The following PKD2L1 variants were observed in gnomAD, a reference collection of about 807,000 sequenced individuals.
PKD2L1 encodes the protein polycystin-2-like protein 1.
A neutral mutation model predicts 93.0 loss-of-function variants in PKD2L1; 77 were observed. The ratio of observed to expected loss-of-function variants is 0.83; its 90% CI spans 0.69 to 1.00. The LOEUF (loss-of-function observed/expected upper bound fraction) is 1.00, where lower values mean the gene tolerates loss of function less well. Among genes scored for constraint, PKD2L1 ranks in the 50% least tolerant of loss-of-function variants. The pLI is 0.00. For synonymous variants in PKD2L1, 390 were observed against 388.0 expected (o/e 1.01, Z -0.06); for missense variants, 977 against 990.9 (o/e 0.99, Z 0.19).
In PKD2L1 at chr10:100,288,381, G is replaced by A. The variant is rs367839528; in HGVS notation, c.*15C>T. 1.1e-4 allele frequency: 177 copies of A among 1,562,116 alleles called. No individual in the cohort carries two copies. Among genetic ancestry groups the A allele is most frequent in the Non-Finnish European group, 1.4e-4 (163 of 1,132,684 alleles). ...GAAGATCCTTCATAGACTTTGCTCCGGGAGTGCCTCACACTTAACTCCTCT... is the reference window on the plus strand; with the variant it reads ...GAAGATCCTTCATAGACTTTGCTCCAGGAGTGCCTCACACTTAACTCCTCT... On this transcript the variant is annotated 3_prime_UTR_variant, in exon 16 of 16. Coordinates refer to ENST00000318222, the MANE Select transcript of PKD2L1 (RefSeq NM_016112.3).
Position 100,297,485 on chromosome 10 carries a change from G to A in PKD2L1, c.853C>T (p.Leu285Phe), listed in dbSNP as rs1342839578. The A allele has an allele frequency of 1.9e-6, 3 of 1,614,032 alleles. No individual in the cohort carries two copies. Among genetic ancestry groups the A allele is most frequent in the African/African-American group, 2.7e-5 (2 of 74,900 alleles). The stretch of plus-strand genomic sequence containing the variant: ...CACAGCCCCTCCTGAAGGGCCCGGA[G>A]AGCCTCTGCACTACCCTGTCGGGAT... Reference protein sequence around the residue: ...PGSRQGSAEALRALQEGLWLD... With the variant: ...PGSRQGSAEAFRALQEGLWLD... The change falls in exon 5 of 16, where the codon CTC (leucine) becomes TTC (phenylalanine). Residue 285 changes from leucine (L) to phenylalanine (F), a missense_variant. By Grantham distance (22) the Leu-to-Phe change is conservative (BLOSUM62 0). Transcript: ENST00000318222.
rs1589658736 is a variant in PKD2L1 at position 100,291,198 on chromosome 10, C to A, written c.2007+103G>T. 9.1e-6 allele frequency: 11 copies of A among 1,212,042 alleles called. No individual in the cohort carries two copies. In the East Asian group the frequency reaches 2.6e-4, roughly 28 times the overall value. 75.1% of individuals were successfully genotyped at this position (1,212,042 alleles called of 1,614,324 possible). A position where few individuals can be genotyped will look rare whatever the true frequency, so the allele number is the denominator to read the frequency against. ...ACTATTCTAGAGAGTTCTTTACTAT[C>A]TATGGGAGAGTTTTCAGGTGGGTTT... On this transcript the variant is annotated intron_variant, in intron 12 of 15. Coordinates refer to ENST00000318222, the MANE Select transcript of PKD2L1 (RefSeq NM_016112.3).
At chr10:100,329,353 T>C in intron 1 of PKD2L1, 29 bp from the exon 2 acceptor site, 2 of 1,614,038 alleles carry the variant, frequency 1.2e-6, no homozygotes, top group Non-Finnish European at 1.7e-6. Context: ...ATGCCTGGGA[T>C]GCTCAGTGGC....
intron 2 of PKD2L1, among the ~76,000 whole-genome samples, chr10:100,321,058 A>G (rs1372912081): frequency 6.6e-6 from 1 of 152,222 alleles, no homozygotes. Flanking sequence ...AAATAAAAAT[A>G]TAAAAACTGG....
At chr10:100,291,896 C>T (rs1460832953) in intron 11 of PKD2L1, among the ~76,000 whole-genome samples, 2 of 152,088 alleles carry the variant, frequency 1.3e-5, no homozygotes, top group Non-Finnish European at 2.9e-5. Flanking sequence ...CTGCTATGAC[C>T]ACCACCTGTC....
At position 100,294,643 on chromosome 10, in the gene PKD2L1, G is replaced by A; in HGVS notation, c.1551C>T (p.Phe517=). Residue 517 remains phenylalanine (F), a synonymous_variant, in exon 9 of 16, where the codon TTC becomes TTT. Coordinates refer to ENST00000318222, the MANE Select transcript of PKD2L1 (RefSeq NM_016112.3). ...STFIKCIFTQ[F]RIILGDFDYN... ...AGTCAAAGTCCCCGAGGATTATCCG[G>A]AACTGAGTGAAACTGAGAGACCAGG... is the stretch of plus-strand genomic sequence containing the variant. 6.2e-7 allele frequency: 1 copy of A among 1,614,100 alleles called. No homozygotes were observed.
chr10:100,306,978 G>T (rs933253721), intron 2 of PKD2L1, among the ~76,000 whole-genome samples: 1 of 151,700 alleles, frequency 6.6e-6, no homozygotes, highest in Non-Finnish European at 1.5e-5. Context: ...TTCTCTTCAG[G>T]TAATAAGTAT....
At chr10:100,299,031 T>C (rs1848618537) in intron 3 of PKD2L1, among the ~76,000 whole-genome samples, 1 of 105,320 alleles carries the variant, frequency 9.5e-6, no homozygotes, top group Non-Finnish European at 1.9e-5. Context: ...CACCGCAACC[T>C]CTGCAACCTC....
intron 13 of PKD2L1, 47 bp from the exon 14 acceptor site, chr10:100,290,185 G>C: frequency 6.2e-7 from 1 of 1,610,498 alleles, no homozygotes; most frequent in Non-Finnish European, 8.5e-7. Flanking sequence ...TCTGTGTCTG[G>C]GGGCTGGATG....
intron 2 of PKD2L1, among the ~76,000 whole-genome samples, chr10:100,306,401 C>T (rs572421470): frequency 8.5e-5 from 13 of 152,128 alleles, no homozygotes; most frequent in Non-Finnish European, 1.6e-4. Context: ...AGAGGGCTCT[C>T]AGAACTTCCC....
chr10:100,321,836 A>AAAGCAAGCAAGC (rs369713705), intron 2 of PKD2L1, among the ~76,000 whole-genome samples: 1 of 3,550 alleles, frequency 2.8e-4, no homozygotes, highest in African/African-American at 8.4e-4. Context: ...AGAAAGAAGG[A>AAAGCAAGCAAGC]AAGCAAGCAA....
intron 5 of PKD2L1, 80 bp downstream of exon 5, chr10:100,297,302 G>T: frequency 4.5e-6 from 7 of 1,542,620 alleles, no homozygotes; most frequent in Non-Finnish European, 6.3e-6. Flanking sequence ...CAGGGTAGGA[G>T]TTTAGGGAAG....
intron 2 of PKD2L1, among the ~76,000 whole-genome samples, chr10:100,308,452 A>C (rs1454235911): frequency 2.6e-5 from 4 of 151,590 alleles, no homozygotes; most frequent in Non-Finnish European, 5.9e-5. Flanking sequence ...CTCCTGCTTC[A>C]GCCTCCCAGG....
intron 15 of PKD2L1, 52 bp from the exon 16 acceptor site, chr10:100,288,530 C>T: frequency 9.3e-7 from 1 of 1,072,886 alleles, no homozygotes; most frequent in Non-Finnish European, 1.5e-6. Context: ...TCTTGGGATG[C>T]ACAAAGGATA....
chr10:100,324,732 G>C (rs530775476), intron 2 of PKD2L1, among the ~76,000 whole-genome samples: 1 of 152,202 alleles, frequency 6.6e-6, no homozygotes, highest in Non-Finnish European at 1.5e-5. Flanking sequence ...AGGTCACAAA[G>C]CCAGGAAGTA....
Position 100,330,008 on chromosome 10 carries a change from G to A in PKD2L1, c.96C>T (p.His32=), listed in dbSNP as rs184117313. ...NPAYSGPPSP[H]GTLRVCTISS... ...AGATGGTGCAGACTCTCAGCGTCCC[G>A]TGTGGGGAAGGGGGACCACTGTAGG... Residue 32 remains histidine, a synonymous_variant, in exon 1 of 16, where the codon CAC becomes CAT. Transcript: ENST00000318222. 1.1e-5 allele frequency: 17 copies of A among 1,613,754 alleles called. No individual in the cohort carries two copies. Among genetic ancestry groups the A allele is most frequent in the South Asian group, 5.5e-5 (5 of 91,056 alleles).
At chr10:100,329,680 G>C (rs759650378) in intron 1 of PKD2L1, among the ~76,000 whole-genome samples, 189 bp downstream of exon 1, 1 of 152,146 alleles carries the variant, frequency 6.6e-6, no homozygotes, top group Non-Finnish European at 1.5e-5. Context: ...CCCACAACCG[G>C]TAGACCGCTC....
intron 2 of PKD2L1, among the ~76,000 whole-genome samples, chr10:100,325,751 T>A (rs1050753230): frequency 1.3e-5 from 2 of 152,232 alleles, no homozygotes; most frequent in East Asian, 3.8e-4. Flanking sequence ...ATGCCACATT[T>A]ATAGTTTTAC....
chr10:100,290,049 T>C lies in PKD2L1; in HGVS notation c.2216A>G (p.Glu739Gly). 1 of 1,614,176 alleles carries C rather than the reference T, an allele frequency of 6.2e-7. No homozygotes were observed. Among genetic ancestry groups the C allele is most frequent in the Non-Finnish European group, 8.5e-7 (1 of 1,180,022 alleles). The change falls in exon 14 of 16, where the codon GAG becomes GGG. Residue 739 changes from glutamate to glycine, a missense_variant. Coordinates refer to ENST00000318222, the MANE Select transcript of PKD2L1 (RefSeq NM_016112.3). ...GGAGGGAGCCAGCCACCCCTTCCTC[T>C]CCAGCATTTTCAGCTTTGAGCCTAC... ...DAVGSKLKML[E>G]RKGWLAPSPG...
Sources: allele counts gnomAD v4.1 joint callset (sites outside exome capture counted in the v4.1 genomes callset), GRCh38; gene constraint gnomAD v4.1.1; transcripts MANE v1.5; gene names NCBI Gene and HGNC (gene_info 2026-07-23, HGNC 2026-07-21).